SLC6A5: variants seen among roughly 807,000 people sequenced by gnomAD.
SLC6A5 encodes solute carrier family 6 member 5.
SLC6A5 carries 58 observed loss-of-function variants against 90.5 expected under a neutral mutation model. The observed-to-expected ratio is 0.64, with a 90% CI of 0.52 to 0.80. The LOEUF (loss-of-function observed/expected upper bound fraction) is 0.80. Among genes scored for constraint, SLC6A5 ranks in the 30% least tolerant of loss-of-function variants. The probability of loss-of-function intolerance (pLI) is 0.00; values close to 1 mark genes in which losing one functional copy is unlikely to be tolerated. For synonymous variants in SLC6A5, 427 were observed against 401.4 expected (o/e 1.06, Z -0.76); for missense variants, 1,015 against 1,017.6 (o/e 1.00, Z 0.03).
Position 20,601,630 on chromosome 11 carries a change from G to T in SLC6A5, c.505G>T (p.Val169Leu). ...GCTGGCCACGGATGGAATCACGTCC[G>T]TGCTCCCGGGCAGCGTGGCCACCGT... ...VVLATDGITS[V>L]LPGSVATVAT... The change falls in exon 2 of 16, where the codon GTG becomes TTG. Residue 169 changes from valine to leucine, a missense_variant. By Grantham distance (32) the Val-to-Leu change is conservative (BLOSUM62 1). Transcript: ENST00000525748. 1 of 1,614,034 alleles carries T rather than the reference G, an allele frequency of 6.2e-7. No homozygotes were observed. Among genetic ancestry groups the T allele is most frequent in the Non-Finnish European group, 8.5e-7 (1 of 1,179,978 alleles).
At chr11:20,600,376 AAGAAGAAGAAGAAGAAG>A (rs1852440986) in intron 1 of SLC6A5, among the ~76,000 whole-genome samples, 1 of 150,088 alleles carries the variant, frequency 6.7e-6, no homozygotes, top group Admixed American at 6.6e-5. Context: ...GAAGAAGAAG[AAGAAGAAGAAGAAGAAG>A]AAGAAGAAGA....
rs780158333 is a variant in SLC6A5, at chr11:20,604,441, CT to C, written c.679+20del. The C allele has an allele frequency of 6.2e-7, 1 of 1,612,274 alleles. No homozygotes were observed. Among genetic ancestry groups the C allele is most frequent in the Admixed American group, 1.7e-5 (1 of 59,962 alleles). ...ACGGGGGAGGTATGGCTTTTCCGCT[CT>C]TTCCGCCTGCGGCGGGGCGGGGCGG... On this transcript the variant is annotated intron_variant, in intron 3 of 15. Transcript: ENST00000525748.
Position 20,646,948 on chromosome 11 carries a change from A to G in SLC6A5, c.2070+14A>G. On this transcript the variant is annotated intron_variant, in intron 14 of 15. Transcript: ENST00000525748. ...ACCATTTTAACCGTAAGGATTTTGCATGTTTTCTTGTGCAGACAGCACCTT... is the reference window on the plus strand; with the variant it reads ...ACCATTTTAACCGTAAGGATTTTGCGTGTTTTCTTGTGCAGACAGCACCTT... 7 of 1,565,332 alleles carry G rather than the reference A, an allele frequency of 4.5e-6. No individual in the cohort carries two copies. Among genetic ancestry groups the G allele is most frequent in the Non-Finnish European group, 5.3e-6 (6 of 1,135,694 alleles).
At position 20,625,845 on chromosome 11, in the gene SLC6A5, G is replaced by A. The variant is rs778594540; in HGVS notation, c.1261-863G>A. Among the ~76,000 whole-genome samples the A allele has an allele frequency of 2.0e-5, 3 of 152,150 alleles. No homozygotes were observed. The South Asian group carries it at 6.2e-4, about 32-fold the overall frequency. On this transcript the variant is annotated intron_variant, in intron 7 of 15. Transcript: ENST00000525748. Reference sequence around the variant, plus strand: ...CATCTCCATGAACGTCTTAGTAGACGCCCAGGTTGGGCACAATGCCCTTCC... The same window carrying A: ...CATCTCCATGAACGTCTTAGTAGACACCCAGGTTGGGCACAATGCCCTTCC...
chr11:20,607,339 G>A (rs1314431051), intron 4 of SLC6A5, 140 bp from the exon 5 acceptor site: 5 of 1,182,790 alleles, frequency 4.2e-6, no homozygotes, highest in Non-Finnish European at 6.3e-6. Flanking sequence ...CATATCCCTG[G>A]TAGACATACA....
intron 5 of SLC6A5, 152 bp from the exon 6 acceptor site, chr11:20,614,527 A>G: frequency 1.4e-6 from 1 of 726,804 alleles, no homozygotes; most frequent in Non-Finnish European, 2.4e-6. Flanking sequence ...TTTTCTTAAT[A>G]TATCTGGCTT....
intron 6 of SLC6A5, among the ~76,000 whole-genome samples, chr11:20,616,645 C>T (rs1852788266): frequency 6.6e-6 from 1 of 152,152 alleles, no homozygotes; most frequent in African/African-American, 2.4e-5. Context: ...CAGGGTTTTG[C>T]CGTGGAACCA....
intron 15 of SLC6A5, among the ~76,000 whole-genome samples, chr11:20,654,228 T>C (rs1241947716): frequency 6.6e-6 from 1 of 152,124 alleles, no homozygotes. Context: ...TTTTTTTTCC[T>C]CCGGTCATTT....
chr11:20,622,337 T>A (rs1852907815), intron 7 of SLC6A5, among the ~76,000 whole-genome samples: 2 of 152,172 alleles, frequency 1.3e-5, no homozygotes, highest in Admixed American at 1.3e-4. Context: ...GTGCCTAGTG[T>A]GCAAAATTGA....
chr11:20,641,848 T>A (rs979266579), intron 13 of SLC6A5, among the ~76,000 whole-genome samples: 2 of 152,098 alleles, frequency 1.3e-5, no homozygotes, highest in Admixed American at 6.6e-5. Flanking sequence ...CTTAAGACAC[T>A]GAGGAGAAGG....
chr11:20,635,701 C>A (rs189026783), intron 10 of SLC6A5, among the ~76,000 whole-genome samples: 75 of 152,228 alleles, frequency 4.9e-4, no homozygotes, highest in African/African-American at 1.3e-3. Flanking sequence ...TGGTCATGTT[C>A]CAACTTTTAG....
In SLC6A5 at chr11:20,646,941, A is replaced by G; in HGVS notation, c.2070+7A>G. The G allele has an allele frequency of 6.3e-7, 1 of 1,589,356 alleles. No individual in the cohort carries two copies. Among genetic ancestry groups the G allele is most frequent in the Non-Finnish European group, 8.6e-7 (1 of 1,157,732 alleles). On this transcript the variant is annotated splice_region_variant and intron_variant, in intron 14 of 15. Coordinates refer to ENST00000525748, the MANE Select transcript of SLC6A5 (RefSeq NM_004211.5). ...AACCCCAACCATTTTAACCGTAAGG[A>G]TTTTGCATGTTTTCTTGTGCAGACA...
At chr11:20,638,804 C>T (rs988120493) in intron 13 of SLC6A5, among the ~76,000 whole-genome samples, 12 of 152,180 alleles carry the variant, frequency 7.9e-5, no homozygotes, top group Admixed American at 6.5e-4. Flanking sequence ...ATTCCTAGGA[C>T]TTGGACACCC....
intron 6 of SLC6A5, among the ~76,000 whole-genome samples, chr11:20,617,411 C>T (rs926532637): frequency 7.2e-5 from 11 of 152,216 alleles, no homozygotes; most frequent in African/African-American, 1.9e-4. Flanking sequence ...TCACCCTTGA[C>T]GGTTCAGAGT....
intron 1 of SLC6A5, among the ~76,000 whole-genome samples, chr11:20,600,372 GAA>G (rs1852440502): frequency 6.7e-6 from 1 of 149,328 alleles, no homozygotes; most frequent in Admixed American, 6.6e-5. Flanking sequence ...AGAAGAAGAA[GAA>G]GAAGAAGAAG....
chr11:20,621,273 C>T (rs953863604), intron 7 of SLC6A5, among the ~76,000 whole-genome samples: 4 of 152,172 alleles, frequency 2.6e-5, no homozygotes, highest in African/African-American at 9.7e-5. Context: ...TGCTGTGTGA[C>T]TTTGGGCAAG....
At chr11:20,648,920 G>A (rs1475040636) in intron 14 of SLC6A5, among the ~76,000 whole-genome samples, 1 of 152,104 alleles carries the variant, frequency 6.6e-6, no homozygotes, top group Non-Finnish European at 1.5e-5. Context: ...CATTTTACAC[G>A]TGTGTGCACT....
intron 5 of SLC6A5, among the ~76,000 whole-genome samples, chr11:20,613,025 C>T (rs1047727222): frequency 6.6e-6 from 1 of 152,178 alleles, no homozygotes; most frequent in Non-Finnish European, 1.5e-5. Context: ...ATGCCTTCCT[C>T]ATTTGTGTCA....
rs141471006 is a variant in SLC6A5, at chr11:20,607,487, A to G, written c.820A>G (p.Ile274Val). 5.6e-6 allele frequency: 9 copies of G among 1,614,100 alleles called. No homozygotes were observed. In the African/African-American group the frequency reaches 8.0e-5, roughly 14 times the overall value. The change falls in exon 5 of 16, where the codon ATC becomes GTC. Residue 274 changes from isoleucine (I) to valine (V), a missense_variant. Physicochemically the swap from Ile to Val is conservative, Grantham distance 29. This residue lies in a region of SLC6A5 where 567 missense variants were observed against 507.3 expected (regional missense o/e 1.12). Coordinates refer to ENST00000525748, the MANE Select transcript of SLC6A5 (RefSeq NM_004211.5). Reference protein sequence around the residue: ...KAIPALQGCGIAMLIISVLIA... With the variant: ...KAIPALQGCGVAMLIISVLIA... ...AATTTTTGCTTCTGCAGGCTGTGGC[A>G]TCGCGATGCTGATCATCTCTGTCCT... is the stretch of plus-strand genomic sequence containing the variant.
Sources: gnomAD v4.1 joint callset for allele counts (sites outside exome capture counted in the v4.1 genomes callset) on GRCh38, gnomAD v4.1.1 for gene constraint, gnomAD v4.1.1 regional missense constraint, MANE v1.5 for transcripts, NCBI Gene and HGNC (gene_info 2026-07-23, HGNC 2026-07-21) for gene names.